The following VTI1A variants were observed in gnomAD, a reference collection of about 807,000 sequenced individuals.
VTI1A encodes the protein vesicle transport through interaction with t-SNAREs homolog 1A.
VTI1A carries 22 observed loss-of-function variants against 34.9 expected under a neutral mutation model. The ratio of observed to expected loss-of-function variants is 0.63; its 90% CI spans 0.45 to 0.90. The LOEUF (loss-of-function observed/expected upper bound fraction) is 0.90, where lower values mean the gene tolerates loss of function less well. Among genes scored for constraint, VTI1A ranks in the 40% least tolerant of loss-of-function variants. The probability of loss-of-function intolerance (pLI) is 0.00; values close to 1 mark genes in which losing one functional copy is unlikely to be tolerated. For missense variants in VTI1A, 268 were observed against 275.6 expected (o/e 0.97, Z 0.20); for synonymous variants, 87 against 97.3 (o/e 0.89, Z 0.62).
chr10:112,721,222 G>A lies in VTI1A; in HGVS notation c.560+52224G>A, dbSNP rs142142639. 5.2e-3 allele frequency among the ~76,000 whole-genome samples: 798 copies of A among 152,280 alleles called. 7 individuals are homozygous for A. Among genetic ancestry groups the A allele is most frequent in the African/African-American group, 0.018 (768 of 41,552 alleles). On this transcript the variant is annotated intron_variant, in intron 7 of 7. Coordinates refer to ENST00000393077, the MANE Select transcript of VTI1A (RefSeq NM_145206.4). ...GAATGAAAGACAGCATCAGCACATT[G>A]CTTCCTGTGCCATCTTCCAACTTCT...
At chr10:112,722,049 G>A (rs1329138424) in intron 7 of VTI1A, among the ~76,000 whole-genome samples, 3 of 152,224 alleles carry the variant, frequency 2.0e-5, no homozygotes, top group Non-Finnish European at 2.9e-5. Flanking sequence ...GGGGTCCTCT[G>A]TATCCTTATT....
At chr10:112,706,312 G>A (rs959073510) in intron 7 of VTI1A, among the ~76,000 whole-genome samples, 1 of 152,214 alleles carries the variant, frequency 6.6e-6, no homozygotes, top group African/African-American at 2.4e-5. Context: ...GATAAAGGGA[G>A]TGGACACGTT....
intron 5 of VTI1A, among the ~76,000 whole-genome samples, chr10:112,582,265 C>T (rs1435076667): frequency 7.2e-5 from 11 of 152,240 alleles, no homozygotes; most frequent in South Asian, 6.2e-4. Context: ...ATGCAGACCT[C>T]GATCCCATGA....
At chr10:112,471,733 A>T (rs901703401) in intron 3 of VTI1A, among the ~76,000 whole-genome samples, 1 of 152,126 alleles carries the variant, frequency 6.6e-6, no homozygotes, top group Admixed American at 6.5e-5. Context: ...TCTTCCTTCA[A>T]CATTGATATG....
chr10:112,450,531 C>T (rs1190605014), intron 1 of VTI1A: 1 of 152,182 alleles, frequency 6.6e-6, no homozygotes, highest in African/African-American at 2.4e-5. Context: ...ATTCCCCCAA[C>T]ATAGTAACTT....
chr10:112,795,472 T>G (rs1852643201), intron 7 of VTI1A, among the ~76,000 whole-genome samples: 1 of 149,092 alleles, frequency 6.7e-6, no homozygotes, highest in Non-Finnish European at 1.5e-5. Flanking sequence ...TCTTGCTCTG[T>G]CACCCAGGCT....
At chr10:112,620,641 T>C (rs1364203454) in intron 5 of VTI1A, among the ~76,000 whole-genome samples, 2 of 151,712 alleles carry the variant, frequency 1.3e-5, no homozygotes, top group Non-Finnish European at 2.9e-5. Context: ...AATACAAAAA[T>C]AAGCTGGGCA....
At chr10:112,491,550 C>A (rs1258158943) in intron 3 of VTI1A, among the ~76,000 whole-genome samples, 1 of 152,046 alleles carries the variant, frequency 6.6e-6, no homozygotes, top group Non-Finnish European at 1.5e-5. Context: ...GTAACCACAT[C>A]AAAAAATGCA....
chr10:112,747,837 G>C (rs7070850), intron 7 of VTI1A, among the ~76,000 whole-genome samples: 50,286 of 152,024 alleles, frequency 0.33, 9,044 homozygotes, highest in African/African-American at 0.48. Context: ...GTGTTTCTCA[G>C]TTGTACCTAG....
intron 7 of VTI1A, among the ~76,000 whole-genome samples, chr10:112,697,309 T>A (rs1400697401): frequency 6.6e-6 from 1 of 151,816 alleles, no homozygotes. Context: ...TTGTCTTGCC[T>A]CAGCCTCCCA....
At chr10:112,654,155 T>C (rs1171590106) in intron 5 of VTI1A, among the ~76,000 whole-genome samples, 1 of 152,208 alleles carries the variant, frequency 6.6e-6, no homozygotes, top group Non-Finnish European at 1.5e-5. Flanking sequence ...TAAGTGCGTA[T>C]TTGGTTATGT....
chr10:112,514,674 A>G (rs961696558), intron 3 of VTI1A, among the ~76,000 whole-genome samples: 5 of 151,906 alleles, frequency 3.3e-5, no homozygotes, highest in African/African-American at 4.8e-5. Context: ...GCTGCATCCC[A>G]TAAGTATTGG....
chr10:112,706,856 C>T (rs1332627878), intron 7 of VTI1A, among the ~76,000 whole-genome samples: 1 of 152,168 alleles, frequency 6.6e-6, no homozygotes, highest in Non-Finnish European at 1.5e-5. Context: ...AGACCAGCAG[C>T]CCAACAGTTC....
intron 7 of VTI1A, among the ~76,000 whole-genome samples, chr10:112,788,227 G>C (rs1372407995): frequency 6.6e-6 from 1 of 151,948 alleles, no homozygotes; most frequent in Non-Finnish European, 1.5e-5. Flanking sequence ...TATTCTATCA[G>C]TTATTGAGAA....
chr10:112,522,440 G>A (rs1850059956), intron 3 of VTI1A, among the ~76,000 whole-genome samples: 1 of 152,072 alleles, frequency 6.6e-6, no homozygotes, highest in Admixed American at 6.6e-5. Context: ...TTGGCTGTCT[G>A]CAGCACATAG....
intron 7 of VTI1A, among the ~76,000 whole-genome samples, chr10:112,688,292 C>T (rs754766893): frequency 2.4e-4 from 37 of 151,500 alleles, no homozygotes; most frequent in African/African-American, 3.4e-4. Context: ...CAAATAGTAA[C>T]GTCAAAGCAA....
chr10:112,855,112 T>TGGGATGGGAAGCTCGACCC, the VTI1A span, among the ~76,000 whole-genome samples: 3 of 151,974 alleles, frequency 2.0e-5, no homozygotes, highest in Non-Finnish European at 2.9e-5. Flanking sequence ...AAGCTCGACC[T>TGGGATGGGAAGCTCGACCC]GGGATGGGAA....
intron 3 of VTI1A, among the ~76,000 whole-genome samples, chr10:112,509,041 G>A (rs1849526894): frequency 6.6e-6 from 1 of 152,192 alleles, no homozygotes; most frequent in South Asian, 2.1e-4. Flanking sequence ...TGGGTCTAAA[G>A]TGACTGTGTT....
intron 5 of VTI1A, among the ~76,000 whole-genome samples, chr10:112,638,752 T>TA (rs398046249): frequency 5.3e-5 from 8 of 150,382 alleles, no homozygotes; most frequent in Non-Finnish European, 1.2e-4. Context: ...TTTTTTTTTT[T>TA]AACTACAGAG....
Sources: gnomAD v4.1 joint callset for allele counts (sites outside exome capture counted in the v4.1 genomes callset) on GRCh38, gnomAD v4.1.1 for gene constraint, MANE v1.5 for transcripts, NCBI Gene and HGNC (gene_info 2026-07-23, HGNC 2026-07-21) for gene names.